SLIT3: variants seen among roughly 807,000 people sequenced by gnomAD.
The protein encoded by SLIT3 is slit homolog 3 protein.
Under a neutral mutation model 184.0 loss-of-function variants are expected in SLIT3, and 68 were observed. That is an observed-to-expected ratio of 0.37 (90% confidence interval 0.30 to 0.45). SLIT3 has a LOEUF of 0.45. Among genes scored for constraint, SLIT3 ranks in the 20% least tolerant of loss-of-function variants. The pLI is 1.00. For missense variants in SLIT3, 1,707 were observed against 2,026.0 expected, an observed-to-expected ratio of 0.84 and a Z score of 3.02; for synonymous variants, 831 against 828.6, an observed-to-expected ratio of 1.00 and a Z score of -0.05.
intron 26 of SLIT3, among the ~76,000 whole-genome samples, chr5:168,706,240 G>T (rs1278051943): frequency 6.6e-6 from 1 of 152,162 alleles, no homozygotes; most frequent in Admixed American, 6.5e-5. Flanking sequence ...TATCATCCTA[G>T]TGTATTGCGT....
chr5:169,134,980 G>A (rs1440105902), intron 4 of SLIT3, among the ~76,000 whole-genome samples: 12 of 152,220 alleles, frequency 7.9e-5, no homozygotes. Flanking sequence ...AACAGTTTCT[G>A]ACATATAGTA....
chr5:168,958,989 G>C (rs1762922194), intron 4 of SLIT3, among the ~76,000 whole-genome samples: 1 of 152,246 alleles, frequency 6.6e-6, no homozygotes, highest in Non-Finnish European at 1.5e-5. Context: ...TGCATGGCAG[G>C]CATTGCTAAT....
chr5:169,001,920 G>T (rs1755713816), intron 4 of SLIT3, among the ~76,000 whole-genome samples: 1 of 152,034 alleles, frequency 6.6e-6, no homozygotes, highest in Non-Finnish European at 1.5e-5. Flanking sequence ...CCAGAGAAGG[G>T]AGACATTGGT....
intron 4 of SLIT3, among the ~76,000 whole-genome samples, chr5:168,986,668 T>C (rs1755143624): frequency 6.6e-6 from 1 of 152,196 alleles, no homozygotes; most frequent in African/African-American, 2.4e-5. Context: ...CAAGCAGTTT[T>C]AGCACAGGCT....
intron 5 of SLIT3, among the ~76,000 whole-genome samples, chr5:168,862,514 T>C (rs1304424321): frequency 6.6e-6 from 1 of 152,178 alleles, no homozygotes; most frequent in Non-Finnish European, 1.5e-5. Context: ...CTAATTACAG[T>C]TAATTGAAGT....
intron 4 of SLIT3, among the ~76,000 whole-genome samples, chr5:169,083,579 G>A (rs2113170505): frequency 6.6e-6 from 1 of 152,308 alleles, no homozygotes; most frequent in Admixed American, 6.5e-5. Context: ...CTTCAAAGGG[G>A]AGCCTCTCCA....
intron 4 of SLIT3, among the ~76,000 whole-genome samples, chr5:169,074,991 A>G (rs1204171690): frequency 5.3e-5 from 8 of 152,126 alleles, no homozygotes; most frequent in Admixed American, 2.0e-4. Flanking sequence ...TTAGGCTGAG[A>G]GCTCTGCTAT....
intron 9 of SLIT3, among the ~76,000 whole-genome samples, chr5:168,805,366 A>C (rs931761830): frequency 6.6e-6 from 1 of 152,082 alleles, no homozygotes; most frequent in Non-Finnish European, 1.5e-5. Flanking sequence ...AAGGGGGGAG[A>C]TTACGACAAA....
intron 4 of SLIT3, among the ~76,000 whole-genome samples, chr5:168,905,837 C>G (rs571626184): frequency 6.6e-6 from 1 of 152,268 alleles, no homozygotes; most frequent in South Asian, 2.1e-4. Context: ...TTTAGGCACA[C>G]GTGGGCACAG....
At chr5:169,128,871 C>T (rs1164826098) in intron 4 of SLIT3, among the ~76,000 whole-genome samples, 1 of 152,194 alleles carries the variant, frequency 6.6e-6, no homozygotes, top group African/African-American at 2.4e-5. Context: ...CTCCAGGCGA[C>T]TGCAGCTCAC....
intron 9 of SLIT3, among the ~76,000 whole-genome samples, 164 bp downstream of exon 9, chr5:168,806,282 A>G (rs1037214573): frequency 6.6e-6 from 1 of 152,206 alleles, no homozygotes; most frequent in Non-Finnish European, 1.5e-5. Flanking sequence ...CCACCAAGCT[A>G]TCATAGCTGG....
intron 5 of SLIT3, among the ~76,000 whole-genome samples, chr5:168,855,879 C>T (rs548889788): frequency 1.7e-4 from 26 of 152,134 alleles, no homozygotes; most frequent in Admixed American, 1.4e-3. Context: ...GAGGCCAAGG[C>T]GGGCGGATCA....
At chr5:169,136,316 AG>A (rs1042846264) in intron 4 of SLIT3, among the ~76,000 whole-genome samples, 3 of 152,180 alleles carry the variant, frequency 2.0e-5, no homozygotes, top group African/African-American at 7.2e-5. Context: ...GCCTTTTTGA[AG>A]TGCCTGCTAC....
chr5:168,728,807 A>G (rs922502329), intron 20 of SLIT3, among the ~76,000 whole-genome samples: 2 of 151,860 alleles, frequency 1.3e-5, no homozygotes, highest in Non-Finnish European at 2.9e-5. Flanking sequence ...GGTCCCAGCT[A>G]CTAGGGAGGC....
intron 20 of SLIT3, among the ~76,000 whole-genome samples, chr5:168,747,409 G>T (rs972143563): frequency 2.0e-5 from 3 of 152,216 alleles, no homozygotes; most frequent in African/African-American, 7.2e-5. Flanking sequence ...TCTCTCCAAT[G>T]TGAGCAGAGT....
intron 5 of SLIT3, among the ~76,000 whole-genome samples, chr5:168,866,485 C>T (rs1456698215): frequency 6.6e-6 from 1 of 152,176 alleles, no homozygotes; most frequent in Non-Finnish European, 1.5e-5. Context: ...TGAGCCACAA[C>T]CATCACCTAT....
chr5:168,934,975 A>C (rs559240197), intron 4 of SLIT3, among the ~76,000 whole-genome samples: 6 of 150,646 alleles, frequency 4.0e-5, no homozygotes, highest in Non-Finnish European at 7.4e-5. Flanking sequence ...TAAAAAAAAA[A>C]AAAAAAACAA....
chr5:169,265,746 G>A (rs62376937), intron 1 of SLIT3, among the ~76,000 whole-genome samples: 9,150 of 152,208 alleles, frequency 0.06, 429 homozygotes, highest in East Asian at 0.26. Flanking sequence ...TCTAGCCCAG[G>A]GCTGGTCATG....
rs1009656267 is a variant in SLIT3 at position 169,238,639 on chromosome 5, G to T, written c.341+6066C>A. Among the ~76,000 whole-genome samples the T allele has an allele frequency of 2.2e-5, 3 of 138,108 alleles. 1 individual carries two copies. The South Asian group carries it at 7.1e-4, about 33-fold the overall frequency. 90.6% of individuals were successfully genotyped at this position (138,108 alleles called of 152,430 possible). A position where few individuals can be genotyped will look rare whatever the true frequency, so the allele number is the denominator to read the frequency against. On this transcript the variant is annotated intron_variant, in intron 3 of 35. Coordinates refer to ENST00000519560, the MANE Select transcript of SLIT3 (RefSeq NM_003062.4). Reference sequence around the variant, plus strand: ...CATGGCCTTGTATTTTCCAAGATTTGACTCTTCTGGTGAATTCTAACATTA... The same window carrying T: ...CATGGCCTTGTATTTTCCAAGATTTTACTCTTCTGGTGAATTCTAACATTA...
Sources: gnomAD v4.1 joint callset for allele counts (sites outside exome capture counted in the v4.1 genomes callset) on GRCh38, gnomAD v4.1.1 for gene constraint, MANE v1.5 for transcripts, NCBI Gene and HGNC (gene_info 2026-07-23, HGNC 2026-07-21) for gene names.